The following ARIH1 variants were observed in gnomAD, a reference collection of about 807,000 sequenced individuals.
ARIH1 encodes ariadne RBR E3 ubiquitin protein ligase 1.
In ARIH1, 8 loss-of-function variants were observed where a neutral mutation model predicts 85.0. The ratio of observed to expected loss-of-function variants is 0.09; its 90% CI spans 0.06 to 0.17. ARIH1 has a LOEUF of 0.17. ARIH1 is among the 10% of genes least tolerant of loss of function. ARIH1 has a pLI of 1.00. For synonymous variants in ARIH1, 238 were observed against 253.6 expected (o/e 0.94, Z 0.59); for missense variants, 311 against 718.1 (o/e 0.43, Z 6.48).
At chr15:72,485,386 A>G (rs937872673) in intron 1 of ARIH1, among the ~76,000 whole-genome samples, 1 of 152,192 alleles carries the variant, frequency 6.6e-6, no homozygotes, top group Non-Finnish European at 1.5e-5. Flanking sequence ...TCTTTCCTGG[A>G]TTATTTTAAT....
chr15:72,553,134 A>G lies in ARIH1; in HGVS notation c.589-2137A>G, dbSNP rs549418968. Among the ~76,000 whole-genome samples, 10 of 152,244 alleles carry G rather than the reference A, an allele frequency of 6.6e-5. 1 individual carries two copies. In the South Asian group the frequency reaches 2.1e-3, roughly 32 times the overall value. On this transcript the variant is annotated intron_variant, in intron 3 of 13. Coordinates refer to ENST00000379887, the MANE Select transcript of ARIH1 (RefSeq NM_005744.5). The stretch of plus-strand genomic sequence containing the variant: ...TTGTACTGTTAAAGTAATTGTTTTT[A>G]GTAATGTCTATTTAACTTACTCAAT...
At chr15:72,575,159 G>C (rs1009532754) in intron 11 of ARIH1, among the ~76,000 whole-genome samples, 4 of 152,154 alleles carry the variant, frequency 2.6e-5, no homozygotes, top group Non-Finnish European at 5.9e-5. Context: ...AGCTGGATTT[G>C]TCATGCAGGC....
intron 10 of ARIH1, 42 bp downstream of exon 10, chr15:72,570,349 A>T (rs556370374): frequency 6.2e-7 from 1 of 1,610,094 alleles, no homozygotes; most frequent in Admixed American, 1.7e-5. Flanking sequence ...TTACATAAGT[A>T]TGTGCCATGT....
chr15:72,523,761 C>T (rs960360511), intron 2 of ARIH1, among the ~76,000 whole-genome samples: 2 of 150,798 alleles, frequency 1.3e-5, no homozygotes, highest in Non-Finnish European at 2.9e-5. Flanking sequence ...GGAGCTGTAG[C>T]TTCTGCATAT....
At chr15:72,497,374 C>T (rs1337489850) in intron 1 of ARIH1, among the ~76,000 whole-genome samples, 1 of 152,000 alleles carries the variant, frequency 6.6e-6, no homozygotes, top group African/African-American at 2.4e-5. Flanking sequence ...TTAAGAAATT[C>T]TATTTAAATG....
chr15:72,496,827 A>G (rs2063882079), intron 1 of ARIH1: 1 of 985,512 alleles, frequency 1.0e-6, no homozygotes, highest in Non-Finnish European at 1.2e-6. Context: ...GAATTCAGTG[A>G]TGCAAAGGAC....
chr15:72,492,410 C>G (rs894987789), intron 1 of ARIH1, among the ~76,000 whole-genome samples: 7 of 152,014 alleles, frequency 4.6e-5, no homozygotes, highest in African/African-American at 1.7e-4. Context: ...TTATTTTGCT[C>G]GGTAATGAGA....
At chr15:72,502,393 G>A (rs1390963998) in intron 1 of ARIH1, among the ~76,000 whole-genome samples, 1 of 152,110 alleles carries the variant, frequency 6.6e-6, no homozygotes, top group Non-Finnish European at 1.5e-5. Flanking sequence ...GGATGCATCA[G>A]GATTACATAT....
At chr15:72,484,441 C>T (rs1214851271) in intron 1 of ARIH1, among the ~76,000 whole-genome samples, 1 of 151,532 alleles carries the variant, frequency 6.6e-6, no homozygotes, top group African/African-American at 2.4e-5. Context: ...CCCCGAGTCC[C>T]CAGAGTTCAT....
intron 2 of ARIH1, among the ~76,000 whole-genome samples, chr15:72,530,397 G>A (rs1221440906): frequency 1.3e-5 from 2 of 152,076 alleles, no homozygotes; most frequent in African/African-American, 2.4e-5. Context: ...TTAGTAGAGG[G>A]GGAAGTTGGA....
chr15:72,550,212 C>T (rs1394576930), intron 3 of ARIH1, among the ~76,000 whole-genome samples: 5 of 152,138 alleles, frequency 3.3e-5, no homozygotes, highest in African/African-American at 4.8e-5. Flanking sequence ...AAGCTTTTAT[C>T]TGTGTGCTGA....
intron 1 of ARIH1, among the ~76,000 whole-genome samples, chr15:72,487,064 T>A (rs1476915967): frequency 6.6e-6 from 1 of 151,804 alleles, no homozygotes; most frequent in Admixed American, 6.6e-5. Context: ...AGGAATTTTC[T>A]CCTATTATTA....
intron 1 of ARIH1, among the ~76,000 whole-genome samples, chr15:72,489,247 C>CAAAAAAAAA (rs3028452): frequency 3.6e-5 from 3 of 84,094 alleles, no homozygotes; most frequent in Non-Finnish European, 6.4e-5. Flanking sequence ...GACCATGTCT[C>CAAAAAAAAA]AAAAAAAAAA....
At chr15:72,530,387 T>C (rs545520418) in intron 2 of ARIH1, among the ~76,000 whole-genome samples, 79 of 152,250 alleles carry the variant, frequency 5.2e-4, no homozygotes, top group African/African-American at 1.4e-3. Flanking sequence ...TTGCCCTTTG[T>C]TAGTAGAGGG....
At chr15:72,572,197 C>A in intron 11 of ARIH1, 32 bp downstream of exon 11, 2 of 1,420,148 alleles carry the variant, frequency 1.4e-6, no homozygotes, top group Non-Finnish European at 9.8e-7. Context: ...CAATAGTTGA[C>A]TAAGAATGCA....
At chr15:72,557,797 T>C (rs546584144) in intron 5 of ARIH1, among the ~76,000 whole-genome samples, 22 of 152,262 alleles carry the variant, frequency 1.4e-4, no homozygotes, top group Non-Finnish European at 2.1e-4. Flanking sequence ...ACCATTTATG[T>C]GTGTGTGGCT....
intron 2 of ARIH1, among the ~76,000 whole-genome samples, chr15:72,528,082 AAAG>A (rs1236902128): frequency 6.6e-6 from 1 of 152,202 alleles, no homozygotes; most frequent in Non-Finnish European, 1.5e-5. Flanking sequence ...AGTAAAAAAA[AAAG>A]TGTCTTTCTT....
intron 2 of ARIH1, among the ~76,000 whole-genome samples, chr15:72,541,675 G>A (rs987125009): frequency 6.6e-6 from 1 of 152,196 alleles, no homozygotes; most frequent in Admixed American, 6.5e-5. Context: ...ATAGAATGGA[G>A]AGTCCAGGAA....
intron 9 of ARIH1, among the ~76,000 whole-genome samples, chr15:72,568,208 A>C (rs570119708): frequency 6.6e-6 from 1 of 152,308 alleles, no homozygotes; most frequent in South Asian, 2.1e-4. Context: ...AGAAAACCTT[A>C]CTATAAATAT....
Sources: allele counts gnomAD v4.1 joint callset (sites outside exome capture counted in the v4.1 genomes callset), GRCh38; gene constraint gnomAD v4.1.1; transcripts MANE v1.5; gene names NCBI Gene and HGNC (gene_info 2026-07-23, HGNC 2026-07-21).